Variants in KLHL22 observed in about 807,000 individuals in gnomAD.
KLHL22 encodes kelch like family member 22.
KLHL22 carries 18 observed loss-of-function variants against 60.7 expected under a neutral mutation model. That is an observed-to-expected ratio of 0.30 (90% CI 0.20 to 0.44). The LOEUF is 0.44. KLHL22 is among the 20% of genes least tolerant of loss of function. KLHL22 has a pLI of 1.00. For missense variants in KLHL22, 596 were observed against 852.3 expected, an observed-to-expected ratio of 0.70 and a Z score of 3.74; for synonymous variants, 355 against 354.5, an observed-to-expected ratio of 1.00 and a Z score of -0.01.
At chr22:20,490,603 C>CT (rs1294922501) in intron 1 of KLHL22, among the ~76,000 whole-genome samples, 2 of 152,206 alleles carry the variant, frequency 1.3e-5, no homozygotes, top group Non-Finnish European at 2.9e-5. Flanking sequence ...CTTTTTGGCA[C>CT]TAGGGACCAC....
chr22:20,492,515 T>C (rs2053707261), intron 1 of KLHL22, among the ~76,000 whole-genome samples: 1 of 152,112 alleles, frequency 6.6e-6, no homozygotes, highest in Admixed American at 6.5e-5. Flanking sequence ...CCCATATTGG[T>C]CAAGGTCTAG....
At chr22:20,488,519 T>G (rs1181530275) in intron 2 of KLHL22, 1 of 176,682 alleles carries the variant, frequency 5.7e-6, no homozygotes, top group East Asian at 1.6e-4. Context: ...CCTCACACTG[T>G]GCCAAGTGCT....
intron 5 of KLHL22, among the ~76,000 whole-genome samples, chr22:20,455,333 C>T (rs5753651): frequency 0.065 from 9,874 of 152,284 alleles, 825 homozygotes; most frequent in East Asian, 0.46. Flanking sequence ...GCCCAGACCA[C>T]GCAATGACCC....
intron 2 of KLHL22, among the ~76,000 whole-genome samples, chr22:20,480,522 C>T (rs2053481345): frequency 6.6e-6 from 1 of 152,140 alleles, no homozygotes; most frequent in South Asian, 2.1e-4. Context: ...AGTATGCTGC[C>T]TCTGGTGTGA....
Position 20,453,682 on chromosome 22 carries a change from TCA to T in KLHL22, c.1305+4124_1305+4125del, listed in dbSNP as rs559054577. On this transcript the variant is annotated intron_variant, in intron 5 of 6. Transcript: ENST00000328879. ...AGAATAATCTCATTTACATCTAATG[TCA>T]CAAGTAAAATCAAATCAAAATTAAA... is the stretch of plus-strand genomic sequence containing the variant. 1.0e-3 allele frequency among the ~76,000 whole-genome samples: 152 copies of T among 152,318 alleles called. 3 individuals are homozygous for T. Among genetic ancestry groups the T allele is most frequent in the African/African-American group, 3.5e-3 (145 of 41,568 alleles).
chr22:20,457,019 G>T (rs1176878738), intron 5 of KLHL22, among the ~76,000 whole-genome samples: 1 of 141,884 alleles, frequency 7.0e-6, no homozygotes, highest in East Asian at 1.9e-4. Context: ...TACTAGCGGG[G>T]TGCCCTGCTA....
At chr22:20,479,525 G>A (rs1361786476) in intron 2 of KLHL22, among the ~76,000 whole-genome samples, 2 of 151,588 alleles carry the variant, frequency 1.3e-5, no homozygotes, top group Non-Finnish European at 2.9e-5. Context: ...AACATAGTAA[G>A]ATTCTGTCTC....
intron 2 of KLHL22, chr22:20,475,442 A>G (rs991083936): frequency 1.4e-4 from 22 of 152,050 alleles, no homozygotes; most frequent in African/African-American, 5.3e-4. Context: ...TGTTTTTATT[A>G]TTGAATCTTT....
chr22:20,486,848 A>AT (rs2053594793), intron 2 of KLHL22, among the ~76,000 whole-genome samples: 1 of 136,460 alleles, frequency 7.3e-6, no homozygotes. Flanking sequence ...CGCCCAGCTA[A>AT]TTTTGTATTT....
chr22:20,462,391 G>T (rs1251473339), intron 4 of KLHL22, among the ~76,000 whole-genome samples: 7 of 151,666 alleles, frequency 4.6e-5, no homozygotes, highest in Non-Finnish European at 1.0e-4. Context: ...GTCTCACTCT[G>T]TTGCCCAGGC....
chr22:20,465,166 G>C lies in KLHL22; in HGVS notation c.804C>G (p.Asp268Glu), dbSNP rs1178181012. The change falls in exon 4 of 7, where the codon GAC becomes GAG. Residue 268 changes from aspartate (D) to glutamate (E), a missense_variant. By Grantham distance (45) the Asp-to-Glu change is conservative. Coordinates refer to ENST00000328879, the MANE Select transcript of KLHL22 (RefSeq NM_032775.4). This position sits in a 1 kb window ranked among gnomAD's most constrained non-coding sequence, Gnocchi z 4.9. ...GGTACATGAGGGCGCTGGCCACTGT[G>C]TCCCTCAAAGGGCTGGGGTCCAGCT... is the stretch of plus-strand genomic sequence containing the variant. ...HDKLDPSPLR[D>E]TVASALMYHR... The C allele has an allele frequency of 6.2e-7, 1 of 1,613,904 alleles. No homozygotes were observed. The highest frequency in any genetic ancestry group is 1.7e-5 in the Admixed American group (1 of 60,018).
intron 5 of KLHL22, chr22:20,451,726 A>T: frequency 6.4e-7 from 1 of 1,572,756 alleles, no homozygotes; most frequent in Non-Finnish European, 8.7e-7. Flanking sequence ...GCTAAGTAGC[A>T]TTGAATGTTA....
intron 6 of KLHL22, 22 bp downstream of exon 6, chr22:20,446,421 G>A: frequency 7.3e-7 from 1 of 1,370,230 alleles, no homozygotes; most frequent in Non-Finnish European, 1.0e-6. Flanking sequence ...GACGGGTGTG[G>A]ACTGCCCCGG....
At chr22:20,458,758 C>A (rs989926428) in intron 4 of KLHL22, among the ~76,000 whole-genome samples, 4 of 152,078 alleles carry the variant, frequency 2.6e-5, no homozygotes, top group South Asian at 2.1e-4. Flanking sequence ...TGTCAACAGC[C>A]GCACACACAA....
chr22:20,461,652 AT>A (rs1954364276), intron 4 of KLHL22, among the ~76,000 whole-genome samples: 1 of 151,292 alleles, frequency 6.6e-6, no homozygotes, highest in African/African-American at 2.4e-5. Flanking sequence ...TGTCTATTAA[AT>A]TTTTTAAATA....
chr22:20,489,679 C>G, intron 1 of KLHL22: 1 of 471,102 alleles, frequency 2.1e-6, no homozygotes, highest in South Asian at 1.5e-5. Context: ...TAAGCACACA[C>G]CAGGTTCTCA....
intron 4 of KLHL22, among the ~76,000 whole-genome samples, chr22:20,464,098 CT>C (rs1190057213): frequency 4.6e-5 from 7 of 152,198 alleles, no homozygotes; most frequent in South Asian, 4.2e-4. Flanking sequence ...GTAGCTGAGT[CT>C]TGTGGGCCTG....
At chr22:20,450,555 T>C (rs2052960524) in intron 5 of KLHL22, 5 of 1,613,402 alleles carry the variant, frequency 3.1e-6, no homozygotes, top group Non-Finnish European at 3.4e-6. Context: ...AAACCCACAA[T>C]TGTGTTGACC....
At chr22:20,442,560 G>T in intron 6 of KLHL22, 122 bp from the exon 7 acceptor site, 1 of 1,232,494 alleles carries the variant, frequency 8.1e-7, no homozygotes, top group Non-Finnish European at 1.1e-6. Context: ...AGGCCCCCTG[G>T]AAGGATGGCA....
Sources: allele counts gnomAD v4.1 joint callset (sites outside exome capture counted in the v4.1 genomes callset), GRCh38; gene constraint gnomAD v4.1.1; non-coding constraint Gnocchi (gnomAD v3.1); transcripts MANE v1.5; gene names NCBI Gene and HGNC (gene_info 2026-07-23, HGNC 2026-07-21).